NEXN: variants seen among roughly 807,000 people sequenced by gnomAD.
NEXN encodes the protein nexilin.
NEXN carries 65 observed loss-of-function variants against 92.6 expected under a neutral mutation model. The ratio of observed to expected loss-of-function variants is 0.70; its 90% CI spans 0.57 to 0.86. NEXN has a LOEUF of 0.86. NEXN is among the 40% of genes least tolerant of loss of function. The pLI is 0.00. For synonymous variants in NEXN, 254 were observed against 242.5 expected, an observed-to-expected ratio of 1.05 and a Z score of -0.44; for missense variants, 778 against 771.1, an observed-to-expected ratio of 1.01 and a Z score of -0.11.
At chr1:77,915,494 C>A (rs182786389) in intron 1 of NEXN, among the ~76,000 whole-genome samples, 1 of 150,390 alleles carries the variant, frequency 6.6e-6, no homozygotes, top group Non-Finnish European at 1.5e-5. Flanking sequence ...CCGGACGTGG[C>A]GGCACACGCC....
rs762898853 is a variant in NEXN, at chr1:77,942,176, G to A, written c.1627G>A (p.Glu543Lys). ...ACAAAAGTTACTACGCATGCAGTTT[G>A]AACAAAGGGAAATTGATGCAGCACT... The part of the protein sequence containing the change: ...EEQKLLRMQF[E>K]QREIDAALQK... The change falls in exon 12 of 13, where the codon GAA (glutamate) becomes AAA (lysine). Residue 543 changes from glutamate to lysine, a missense_variant. Transcript: ENST00000334785. 6.2e-7 allele frequency: 1 copy of A among 1,613,748 alleles called. No individual in the cohort carries two copies. Among genetic ancestry groups the A allele is most frequent in the South Asian group, 1.1e-5 (1 of 91,038 alleles).
chr1:77,934,214 C>T (rs763259311), intron 10 of NEXN, among the ~76,000 whole-genome samples: 6 of 151,924 alleles, frequency 3.9e-5, no homozygotes, highest in Non-Finnish European at 7.4e-5. Context: ...TTCACCATGT[C>T]GGCCAGGCTG....
In NEXN at chr1:77,925,239, C is replaced by CCTTTAATCAGCATTAAAGGTA; in HGVS notation, c.489+10_489+11insCTTTAATCAGCATTAAAGGTA. On this transcript the variant is annotated intron_variant, in intron 6 of 12. Coordinates refer to ENST00000334785, the MANE Select transcript of NEXN (RefSeq NM_144573.4). ...TGAATCAGCATCAGAGGTAAACAGA[C>CCTTTAATCAGCATTAAAGGTA]ATTTCCTTTAATGAAACATTCACCT... 1 of 1,584,080 alleles carries CCTTTAATCAGCATTAAAGGTA rather than the reference C, an allele frequency of 6.3e-7. No individual in the cohort carries two copies. The highest frequency in any genetic ancestry group is 8.7e-7 in the Non-Finnish European group (1 of 1,154,972).
chr1:77,891,871 A>G (rs1647116671), intron 1 of NEXN, among the ~76,000 whole-genome samples: 2 of 151,936 alleles, frequency 1.3e-5, no homozygotes, highest in South Asian at 4.2e-4. Context: ...TGAGCCCAGG[A>G]GTTCAGGACC....
rs1557999236 is a variant in NEXN, at chr1:77,942,889, CTCT to C, written c.*62_*64del. The C allele has an allele frequency of 6.6e-7, 1 of 1,524,298 alleles. No homozygotes were observed. The highest frequency in any genetic ancestry group is 1.2e-5 in the South Asian group (1 of 83,338). The allele number at this position is 1,524,298 out of a possible 1,614,324, so 94.4% of individuals were successfully genotyped here. ...TTTCCTTAAAATCACTTTTCTTCTT[CTCT>C]TTTTTAGCTGATGACTACTAGCTCC... is the stretch of plus-strand genomic sequence containing the variant. On this transcript the variant is annotated 3_prime_UTR_variant, in exon 13 of 13. Transcript: ENST00000334785.
intron 1 of NEXN, among the ~76,000 whole-genome samples, chr1:77,899,415 A>C (rs983437790): frequency 6.6e-6 from 1 of 152,072 alleles, no homozygotes; most frequent in African/African-American, 2.4e-5. Flanking sequence ...AGGACAAAAA[A>C]CCAAACACCG....
Position 77,943,240 on chromosome 1 carries a change from A to AC in NEXN, c.*411_*412insC. ...AACTATGTTTAAAAAACAAAAACAA[A>AC]AAAAAAACACACAAACCTAAGTAGA... On this transcript the variant is annotated 3_prime_UTR_variant, in exon 13 of 13. Transcript: ENST00000334785. 4.4e-6 allele frequency: 1 copy of AC among 224,816 alleles called. No homozygotes were observed. The highest frequency in any genetic ancestry group is 2.3e-5 in the African/African-American group (1 of 42,620). The allele number at this position is 224,816 out of a possible 1,614,324, so 13.9% of individuals were successfully genotyped here.
intron 1 of NEXN, among the ~76,000 whole-genome samples, chr1:77,898,265 A>G (rs568905085): frequency 2.9e-3 from 438 of 152,346 alleles, no homozygotes; most frequent in Middle Eastern, 0.017. Context: ...AAACTATACT[A>G]CAAGGCTACA....
chr1:77,942,188 A>G lies in NEXN; in HGVS notation c.1639A>G (p.Ile547Val). The G allele has an allele frequency of 6.2e-7, 1 of 1,613,808 alleles. No individual in the cohort carries two copies. The highest frequency in any genetic ancestry group is 1.1e-5 in the South Asian group (1 of 91,056). ...ACGCATGCAGTTTGAACAAAGGGAA[A>G]TTGATGCAGCACTACAAAAGGTACC... ...LLRMQFEQRE[I>V]DAALQKKREE... Residue 547 changes from isoleucine (I) to valine (V), a missense_variant, in exon 12 of 13, where the codon ATT becomes GTT. Physicochemically the swap from Ile to Val is conservative, Grantham distance 29. Transcript: ENST00000334785.
Position 77,943,643 on chromosome 1 carries a change from T to C in NEXN, c.*814T>C, listed in dbSNP as rs1043378906. The C allele has an allele frequency of 6.6e-6, 1 of 152,084 alleles. No individual in the cohort carries two copies. The highest frequency in any genetic ancestry group is 1.5e-5 in the Non-Finnish European group (1 of 67,944). The allele number at this position is 152,084 out of a possible 1,614,324, so 9.4% of individuals were successfully genotyped here. A position where few individuals can be genotyped will look rare whatever the true frequency, so the allele number is the denominator to read the frequency against. ...GTGATCTTGCCTGAACAAATTATAT[T>C]TTAATGAAAAAACTTTCTATTAATA... On this transcript the variant is annotated 3_prime_UTR_variant, in exon 13 of 13. Coordinates refer to ENST00000334785, the MANE Select transcript of NEXN (RefSeq NM_144573.4).
chr1:77,938,473 A>AC (rs1256176543), intron 11 of NEXN, among the ~76,000 whole-genome samples: 1 of 151,464 alleles, frequency 6.6e-6, no homozygotes, highest in African/African-American at 2.4e-5. Flanking sequence ...ACATGGTGAA[A>AC]CCCCGTCTCT....
intron 5 of NEXN, among the ~76,000 whole-genome samples, chr1:77,922,152 T>G (rs1649474137): frequency 6.6e-6 from 1 of 151,092 alleles, no homozygotes; most frequent in Non-Finnish European, 1.5e-5. Context: ...TTTTTTTTTT[T>G]TTTTTGAGAT....
chr1:77,938,845 G>T (rs1216399638), intron 11 of NEXN, among the ~76,000 whole-genome samples: 1 of 152,108 alleles, frequency 6.6e-6, no homozygotes, highest in Non-Finnish European at 1.5e-5. Context: ...TGTATCTGGG[G>T]AATGGAAAAC....
At chr1:77,928,110 A>G (rs920533308) in intron 8 of NEXN, among the ~76,000 whole-genome samples, 3 of 152,030 alleles carry the variant, frequency 2.0e-5, no homozygotes, top group African/African-American at 7.2e-5. Flanking sequence ...GGAGTTTGAG[A>G]CCAGCCTGAG....
In NEXN at chr1:77,933,339, C is replaced by A. The variant is rs1223883098; in HGVS notation, c.1111C>A (p.Pro371Thr). 12 of 1,609,824 alleles carry A rather than the reference C, an allele frequency of 7.5e-6. No individual in the cohort carries two copies. Among genetic ancestry groups the A allele is most frequent in the Non-Finnish European group, 1.0e-5 (12 of 1,177,610 alleles). ...YKTISQEFLTPGKLEINFEEL... is the reference protein window; with the variant it reads ...YKTISQEFLTTGKLEINFEEL... ...GACAATCTCTCAAGAATTTCTTACA[C>A]CGGGAAAACTGGAAATTAATTTTGA... Residue 371 changes from proline (P) to threonine (T), a missense_variant, in exon 10 of 13, where the codon CCG (proline) becomes ACG (threonine). By Grantham distance (38) the Pro-to-Thr change is conservative. Coordinates refer to ENST00000334785, the MANE Select transcript of NEXN (RefSeq NM_144573.4).
chr1:77,940,544 T>C (rs1651176831), intron 11 of NEXN, among the ~76,000 whole-genome samples: 1 of 152,220 alleles, frequency 6.6e-6, no homozygotes, highest in Admixed American at 6.5e-5. Context: ...TTGAGGCAGC[T>C]AAATGAATAG....
intron 1 of NEXN, among the ~76,000 whole-genome samples, chr1:77,896,199 A>AATAAATAAATAAATAAATAAATAT (rs1647247508): frequency 6.6e-6 from 1 of 151,754 alleles, no homozygotes; most frequent in Non-Finnish European, 1.5e-5. Context: ...TAAATAAATA[A>AATAAATAAATAAATAAATAAATAT]GTTGTCGGCC....
At chr1:77,924,407 G>T (rs547479664) in intron 5 of NEXN, among the ~76,000 whole-genome samples, 2 of 151,832 alleles carry the variant, frequency 1.3e-5, no homozygotes, top group Non-Finnish European at 2.9e-5. Flanking sequence ...CACTGTTATT[G>T]TATCAGTTTT....
intron 1 of NEXN, chr1:77,889,480 C>G (rs1180738872): frequency 6.6e-6 from 1 of 151,984 alleles, no homozygotes; most frequent in African/African-American, 2.4e-5. Context: ...CTTGAGAACT[C>G]CCTTTGCCTA....
Sources: allele counts gnomAD v4.1 joint callset (sites outside exome capture counted in the v4.1 genomes callset), GRCh38; gene constraint gnomAD v4.1.1; transcripts MANE v1.5; gene names NCBI Gene and HGNC (gene_info 2026-07-23, HGNC 2026-07-21).